The following CCDC73 variants were observed in gnomAD, a reference collection of about 807,000 sequenced individuals.
CCDC73 encodes coiled-coil domain-containing protein 73.
Under a neutral mutation model 116.5 loss-of-function variants are expected in CCDC73, and 95 were observed. The ratio of observed to expected loss-of-function variants is 0.82; its 90% CI spans 0.69 to 0.97. The LOEUF is 0.97. Ranked by LOEUF, CCDC73 falls within the 50% of genes least tolerant of loss-of-function variation. CCDC73 has a pLI of 0.00. For missense variants in CCDC73, 1,066 were observed against 1,206.8 expected (o/e 0.88, Z 1.73); for synonymous variants, 398 against 401.3 (o/e 0.99, Z 0.10).
intron 14 of CCDC73, among the ~76,000 whole-genome samples, chr11:32,621,504 C>T (rs1294958504): frequency 6.6e-6 from 1 of 152,126 alleles, no homozygotes; most frequent in South Asian, 2.1e-4. Context: ...CTTCCTTACA[C>T]CTTATACAAA....
intron 7 of CCDC73, among the ~76,000 whole-genome samples, chr11:32,676,377 T>A (rs930876730): frequency 1.3e-5 from 2 of 152,222 alleles, no homozygotes; most frequent in Admixed American, 1.3e-4. Flanking sequence ...TTACGAGGTA[T>A]TTTTTCTCTA....
chr11:32,790,646 C>A (rs1332787019), intron 1 of CCDC73, among the ~76,000 whole-genome samples: 1 of 150,360 alleles, frequency 6.7e-6, no homozygotes, highest in East Asian at 2.0e-4. Flanking sequence ...ATACTAAAAT[C>A]TTTACCAAAT....
At chr11:32,607,685 C>T (rs1480059706) in intron 17 of CCDC73, among the ~76,000 whole-genome samples, 1 of 152,080 alleles carries the variant, frequency 6.6e-6, no homozygotes, top group East Asian at 1.9e-4. Flanking sequence ...CCTTTAGTCA[C>T]CATATTTTAA....
intron 1 of CCDC73, among the ~76,000 whole-genome samples, chr11:32,783,603 G>C (rs753800394): frequency 6.6e-6 from 1 of 152,154 alleles, no homozygotes; most frequent in Non-Finnish European, 1.5e-5. Context: ...GGTGGAAGGG[G>C]TGAGGAAACT....
chr11:32,732,773 A>C (rs980387316), intron 2 of CCDC73, among the ~76,000 whole-genome samples: 3 of 152,220 alleles, frequency 2.0e-5, no homozygotes, highest in Non-Finnish European at 4.4e-5. Context: ...AGGAAGCACT[A>C]AACATGGAAA....
In CCDC73 at chr11:32,675,593, T is replaced by C; in HGVS notation, c.617A>G (p.Gln206Arg). 1.3e-6 allele frequency: 2 copies of C among 1,588,594 alleles called. No homozygotes were observed. The highest frequency in any genetic ancestry group is 3.7e-5 in the Admixed American group (2 of 53,564). The change falls in exon 9 of 18, where the codon CAA (glutamine) becomes CGA (arginine). Residue 206 changes from glutamine to arginine, a missense_variant. Coordinates refer to ENST00000335185, the MANE Select transcript of CCDC73 (RefSeq NM_001008391.4). ...NKRLSALNKK[Q>R]EAEICSLKKE... is the part of the protein sequence containing the mutation. ...CTTTAAACTGCATATTTCAGCTTCT[T>C]GTTTTTTATTTAAAGCTGAAAGTCT...
chr11:32,707,886 C>T (rs542396673), intron 3 of CCDC73, among the ~76,000 whole-genome samples: 14 of 152,244 alleles, frequency 9.2e-5, no homozygotes, highest in East Asian at 7.7e-4. Flanking sequence ...ATATAACTTA[C>T]GTGCTCAATA....
chr11:32,683,980 T>G (rs529399196), intron 6 of CCDC73, among the ~76,000 whole-genome samples: 57 of 152,358 alleles, frequency 3.7e-4, no homozygotes, highest in African/African-American at 1.3e-3. Flanking sequence ...ACAACTGTTT[T>G]AAACAAACAG....
intron 9 of CCDC73, among the ~76,000 whole-genome samples, chr11:32,667,318 G>C (rs1855994190): frequency 6.6e-6 from 1 of 152,198 alleles, no homozygotes; most frequent in African/African-American, 2.4e-5. Flanking sequence ...CACCCAGTTC[G>C]AGCTTCCTGG....
At chr11:32,736,871 T>C (rs1440663227) in intron 2 of CCDC73, among the ~76,000 whole-genome samples, 1 of 151,664 alleles carries the variant, frequency 6.6e-6, no homozygotes, top group Admixed American at 6.6e-5. Flanking sequence ...GGGACATGGA[T>C]GAAGCTGGAA....
At chr11:32,638,566 A>C (rs762407371) in intron 13 of CCDC73, among the ~76,000 whole-genome samples, 19 of 151,452 alleles carry the variant, frequency 1.3e-4, no homozygotes, top group Non-Finnish European at 2.5e-4. Context: ...GCAACCTCTG[A>C]CTCCCAGGTT....
the CCDC73 span, chr11:32,830,182 C>T: frequency 1.9e-6 from 2 of 1,046,984 alleles, no homozygotes; most frequent in Non-Finnish European, 2.3e-6. Flanking sequence ...AGGTACGAGG[C>T]CTGGCGGCAG....
At chr11:32,789,462 T>C (rs1345878831) in intron 1 of CCDC73, among the ~76,000 whole-genome samples, 1 of 152,176 alleles carries the variant, frequency 6.6e-6, no homozygotes, top group Non-Finnish European at 1.5e-5. Context: ...CAAAACGTAG[T>C]GATTTTTTTA....
intron 14 of CCDC73, among the ~76,000 whole-genome samples, chr11:32,628,527 C>T (rs1251712248): frequency 2.6e-5 from 4 of 152,196 alleles, no homozygotes; most frequent in Non-Finnish European, 5.9e-5. Flanking sequence ...TAGGTAAACT[C>T]TGAGTTCCAA....
At chr11:32,665,244 T>C (rs1293830945) in intron 9 of CCDC73, among the ~76,000 whole-genome samples, 2 of 152,198 alleles carry the variant, frequency 1.3e-5, no homozygotes, top group Non-Finnish European at 2.9e-5. Context: ...ATCTGTCTAA[T>C]GTTGACAGTG....
intron 9 of CCDC73, 148 bp from the exon 10 acceptor site, chr11:32,655,120 G>T (rs1235413383): frequency 2.1e-5 from 2 of 95,040 alleles, no homozygotes; most frequent in Non-Finnish European, 2.0e-5. Flanking sequence ...GATTAGCCAA[G>T]GTGGGAACAT....
At chr11:32,616,494 G>A (rs1855475745) in intron 14 of CCDC73, among the ~76,000 whole-genome samples, 1 of 152,196 alleles carries the variant, frequency 6.6e-6, no homozygotes, top group East Asian at 1.9e-4. Flanking sequence ...TAAGAGATGA[G>A]TTCTTGCTAT....
At chr11:32,737,797 T>G (rs986526167) in intron 2 of CCDC73, among the ~76,000 whole-genome samples, 1 of 152,052 alleles carries the variant, frequency 6.6e-6, no homozygotes, top group African/African-American at 2.4e-5. Flanking sequence ...AGTCTTATTT[T>G]TTTTTGTACC....
At chr11:32,702,563 A>T (rs1849822525) in intron 4 of CCDC73, among the ~76,000 whole-genome samples, 1 of 152,208 alleles carries the variant, frequency 6.6e-6, no homozygotes, top group Non-Finnish European at 1.5e-5. Flanking sequence ...TAATAAAAGA[A>T]AGGAAAGGGG....
Sources: gnomAD v4.1 joint callset for allele counts (sites outside exome capture counted in the v4.1 genomes callset) on GRCh38, gnomAD v4.1.1 for gene constraint, MANE v1.5 for transcripts, NCBI Gene and HGNC (gene_info 2026-07-23, HGNC 2026-07-21) for gene names.